The following PIWIL2 variants were observed in gnomAD, a reference collection of about 807,000 sequenced individuals.
The protein encoded by PIWIL2 is piwi-like protein 2.
In PIWIL2, 81 loss-of-function variants were observed where a neutral mutation model predicts 116.5. That is an observed-to-expected ratio of 0.70 (90% confidence interval 0.58 to 0.84). PIWIL2 has a LOEUF of 0.84. Ranked by LOEUF, PIWIL2 falls within the 40% of genes least tolerant of loss-of-function variation. PIWIL2 has a pLI of 0.00. For missense variants in PIWIL2, 1,272 were observed against 1,212.3 expected (o/e 1.05, Z -0.73); for synonymous variants, 489 against 429.5 (o/e 1.14, Z -1.71).
At chr8:22,332,767 A>G (rs1329651012) in intron 20 of PIWIL2, among the ~76,000 whole-genome samples, 1 of 152,154 alleles carries the variant, frequency 6.6e-6, no homozygotes, top group Non-Finnish European at 1.5e-5. Context: ...AGTGAAGGTG[A>G]AAAAAGACAT....
chr8:22,343,539 A>C (rs1832157853), intron 20 of PIWIL2, among the ~76,000 whole-genome samples: 1 of 152,246 alleles, frequency 6.6e-6, no homozygotes, highest in South Asian at 2.1e-4. Flanking sequence ...CAGAGGTTGC[A>C]GTGAGCTGAG....
At chr8:22,296,545 G>A (rs1430537786) in intron 10 of PIWIL2, among the ~76,000 whole-genome samples, 3 of 152,234 alleles carry the variant, frequency 2.0e-5, no homozygotes, top group Admixed American at 6.5e-5. Flanking sequence ...TTGATTGGGT[G>A]TATAACTCTA....
intron 6 of PIWIL2, 125 bp from the exon 7 acceptor site, chr8:22,287,403 G>T: frequency 1.4e-6 from 1 of 720,300 alleles, no homozygotes. Flanking sequence ...TAGGCAGATA[G>T]ATAATTTTTA....
chr8:22,292,484 A>G (rs1024136113), intron 10 of PIWIL2, among the ~76,000 whole-genome samples: 1 of 152,268 alleles, frequency 6.6e-6, no homozygotes, highest in African/African-American at 2.4e-5. Flanking sequence ...GATAAGAGAA[A>G]GAGAAGCTGA....
Position 22,314,433 on chromosome 8 carries a change from A to G in PIWIL2, c.2091+4A>G. ...GCAGTCCCCAGTGCCCTCCCAGGTG[A>G]GTGGGTGTTGGGGCAGGAGGCGCAG... is the stretch of plus-strand genomic sequence containing the variant. On this transcript the variant is annotated splice_donor_region_variant and intron_variant, in intron 17 of 22. Transcript: ENST00000356766. 6.5e-7 allele frequency: 1 copy of G among 1,530,160 alleles called. No homozygotes were observed. The highest frequency in any genetic ancestry group is 1.2e-5 in the South Asian group (1 of 81,178). The allele number at this position is 1,530,160 out of a possible 1,614,324, so 94.8% of individuals were successfully genotyped here.
At chr8:22,325,865 C>A (rs1563404884) in intron 20 of PIWIL2, among the ~76,000 whole-genome samples, 1 of 152,158 alleles carries the variant, frequency 6.6e-6, no homozygotes, top group Non-Finnish European at 1.5e-5. Context: ...AAGTAAGTGT[C>A]TGCTCATGTC....
At chr8:22,349,051 C>CTTTTTTTTTTTT (rs35385064) in intron 20 of PIWIL2, among the ~76,000 whole-genome samples, 1 of 136,810 alleles carries the variant, frequency 7.3e-6, no homozygotes, top group Non-Finnish European at 1.6e-5. Context: ...TTTCTTTTTT[C>CTTTTTTTTTTTT]TTTTTTTTTT....
At chr8:22,305,885 T>C in intron 12 of PIWIL2, 42 bp from the exon 13 acceptor site, 1 of 1,443,234 alleles carries the variant, frequency 6.9e-7, no homozygotes, top group South Asian at 1.1e-5. Context: ...AACATGAGCC[T>C]CTTGTACTGC....
intron 20 of PIWIL2, among the ~76,000 whole-genome samples, chr8:22,335,416 C>T (rs1393924663): frequency 5.8e-5 from 1 of 17,136 alleles, no homozygotes; most frequent in East Asian, 1.1e-3. Flanking sequence ...TGCTAGAGTG[C>T]AGTGGTGTGA....
chr8:22,287,307 G>A (rs1342250827), intron 6 of PIWIL2, among the ~76,000 whole-genome samples: 1 of 152,204 alleles, frequency 6.6e-6, no homozygotes, highest in African/African-American at 2.4e-5. Flanking sequence ...GTGTCCTTTG[G>A]TGGTAGGATT....
intron 10 of PIWIL2, among the ~76,000 whole-genome samples, chr8:22,292,133 AGTGAGCAAGCAGG>A (rs1360013478): frequency 1.3e-5 from 2 of 152,154 alleles, no homozygotes; most frequent in Non-Finnish European, 2.9e-5. Flanking sequence ...GCTAGAGCCG[AGTGAGCAAGCAGG>A]GTGATGGAGG....
intron 20 of PIWIL2, among the ~76,000 whole-genome samples, chr8:22,337,604 G>T (rs2132089010): frequency 6.6e-6 from 1 of 151,732 alleles, no homozygotes; most frequent in Non-Finnish European, 1.5e-5. Context: ...GGTGGTGCAT[G>T]CCTGTAATCC....
rs2132120337 is a variant in PIWIL2, at chr8:22,356,347, C to T, written c.*842C>T. 1 of 152,220 alleles carries T rather than the reference C, an allele frequency of 6.6e-6. No homozygotes were observed. Among genetic ancestry groups the T allele is most frequent in the East Asian group, 1.9e-4 (1 of 5,184 alleles). 9.4% of individuals were successfully genotyped at this position (152,220 alleles called of 1,614,324 possible). On this transcript the variant is annotated 3_prime_UTR_variant, in exon 23 of 23. Transcript: ENST00000356766. ...ATAGGTCGGCCCTTGCTGACTAAAT[C>T]CTCTCTGGGGATTGAATTGATGACG... is the stretch of plus-strand genomic sequence containing the variant.
intron 6 of PIWIL2, among the ~76,000 whole-genome samples, chr8:22,285,605 T>A (rs1283295809): frequency 6.6e-6 from 1 of 152,146 alleles, no homozygotes; most frequent in African/African-American, 2.4e-5. Flanking sequence ...ATCATATTAG[T>A]ACTATTTTTA....
In PIWIL2 at chr8:22,304,028, A is replaced by G; in HGVS notation, c.1189A>G (p.Ile397Val). Residue 397 changes from isoleucine to valine, a missense_variant, in exon 11 of 23, where the codon ATT becomes GTT. Ile to Val is a conservative substitution (Grantham distance 29, BLOSUM62 3). Coordinates refer to ENST00000356766, the MANE Select transcript of PIWIL2 (RefSeq NM_018068.5). ...TTTTATCTCTTTCCAAAGGCATGCCATTTATCAGCAGAATAAAGAACACTT... is the reference window on the plus strand; with the variant it reads ...TTTTATCTCTTTCCAAAGGCATGCCGTTTATCAGCAGAATAAAGAACACTT... ...NDCVLDVMHA[I>V]YQQNKEHFQD... 2 of 1,610,728 alleles carry G rather than the reference A, an allele frequency of 1.2e-6. No homozygotes were observed. Among genetic ancestry groups the G allele is most frequent in the Non-Finnish European group, 1.7e-6 (2 of 1,178,036 alleles).
At chr8:22,276,286 G>GTA (rs1243022807) in intron 1 of PIWIL2, among the ~76,000 whole-genome samples, 5 of 152,192 alleles carry the variant, frequency 3.3e-5, no homozygotes, top group Non-Finnish European at 7.4e-5. Flanking sequence ...TGATTTCTCT[G>GTA]TAGCTAATAC....
At chr8:22,304,963 T>C in intron 12 of PIWIL2, 95 bp downstream of exon 12, 1 of 810,666 alleles carries the variant, frequency 1.2e-6, no homozygotes. Flanking sequence ...AGCTGTGGAG[T>C]AGCAATCGTA....
At chr8:22,355,254 C>A in intron 22 of PIWIL2, 95 bp from the exon 23 acceptor site, 1 of 1,206,534 alleles carries the variant, frequency 8.3e-7, no homozygotes, top group Non-Finnish European at 1.2e-6. Context: ...GGAAGGTGTG[C>A]TCTGTGTCAT....
chr8:22,305,172 C>CATTGATTT (rs35865110), intron 12 of PIWIL2, among the ~76,000 whole-genome samples: 1 of 143,850 alleles, frequency 7.0e-6, no homozygotes, highest in Admixed American at 7.1e-5. Context: ...TATAGATATT[C>CATTGATTT]ATTTATTTAT....
Sources: gnomAD v4.1 joint callset for allele counts (sites outside exome capture counted in the v4.1 genomes callset) on GRCh38, gnomAD v4.1.1 for gene constraint, MANE v1.5 for transcripts, NCBI Gene and HGNC (gene_info 2026-07-23, HGNC 2026-07-21) for gene names.